The following PECAM1 variants were observed in gnomAD, a reference collection of about 807,000 sequenced individuals.
The protein encoded by PECAM1 is platelet and endothelial cell adhesion molecule 1, also known as platelet endothelial cell adhesion molecule.
Under a neutral mutation model 13.8 loss-of-function variants are expected in PECAM1, and 8 were observed. The ratio of observed to expected loss-of-function variants is 0.58; its 90% CI spans 0.34 to 1.05. The LOEUF (loss-of-function observed/expected upper bound fraction) is 1.05. Among genes scored for constraint, PECAM1 ranks in the 50% least tolerant of loss-of-function variants. The pLI is 0.03. For synonymous variants in PECAM1, 136 were observed against 52.6 expected (o/e 2.58, Z -6.86); for missense variants, 304 against 141.2 (o/e 2.15, Z -5.84).
chr17:64,341,675 T>C lies in PECAM1; in HGVS notation c.2123A>G (p.Asp708Gly). The change falls in exon 14 of 16, where the codon GAC becomes GGC. Residue 708 changes from aspartate to glycine, a missense_variant. Physicochemically the swap from Asp to Gly is moderately conservative, Grantham distance 94 (BLOSUM62 -1). Coordinates refer to ENST00000563924, the MANE Select transcript of PECAM1 (RefSeq NM_000442.5). ...GACTTCACTGTACACTGTCTCTGTG[T>C]CCTTCTTTCCTAGATCTGGAAAAAG... ...AESHKDLGKKDTETVYSEVRK... is the reference protein window; with the variant it reads ...AESHKDLGKKGTETVYSEVRK... The C allele has an allele frequency of 4.5e-6, 2 of 447,726 alleles. No homozygotes were observed. The highest frequency in any genetic ancestry group is 3.6e-5 in the Admixed American group (1 of 27,622). The allele number at this position is 447,726 out of a possible 1,614,324, so 27.7% of individuals were successfully genotyped here.
chr17:64,321,414 A>C lies in PECAM1; in HGVS notation c.*2402T>G, dbSNP rs950703874. On this transcript the variant is annotated 3_prime_UTR_variant, in exon 16 of 16. Coordinates refer to ENST00000563924, the MANE Select transcript of PECAM1 (RefSeq NM_000442.5). The stretch of plus-strand genomic sequence containing the variant: ...CACTAAGAAAGATCCCTGCGCATGA[A>C]GTTTCCTCCTCGGAAATATAGGCAG... 14 of 985,538 alleles carry C rather than the reference A, an allele frequency of 1.4e-5. No homozygotes were observed. Among genetic ancestry groups the C allele is most frequent in the Non-Finnish European group, 1.7e-5 (14 of 829,748 alleles). 61.0% of individuals were successfully genotyped at this position (985,538 alleles called of 1,614,324 possible). A position where few individuals can be genotyped will look rare whatever the true frequency, so the allele number is the denominator to read the frequency against.
intron 6 of PECAM1, among the ~76,000 whole-genome samples, chr17:64,361,299 C>T (rs1171299229): frequency 6.6e-6 from 1 of 151,970 alleles, no homozygotes; most frequent in African/African-American, 2.4e-5. Context: ...GCATGTGCCA[C>T]CACACCCGGC....
rs919252611 is a variant in PECAM1, at chr17:64,375,352, C to T, written c.390G>A (p.Val130=). Residue 130 remains valine (V), a synonymous_variant, in exon 4 of 16, where the codon GTG becomes GTA. Transcript: ENST00000563924. The part of the protein sequence containing the change: ...TAEYQVLVEG[V]PSPRVTLDKK... ...TGTCCAGTGTCACCCTGGGACTGGGCACTCCTACGGGGAAAGAGAAAGTCT... is the reference window on the plus strand; with the variant it reads ...TGTCCAGTGTCACCCTGGGACTGGGTACTCCTACGGGGAAAGAGAAAGTCT... 5.1e-5 allele frequency: 24 copies of T among 468,948 alleles called. No individual in the cohort carries two copies. The highest frequency in any genetic ancestry group is 7.8e-5 in the Non-Finnish European group (20 of 256,994). The allele number at this position is 468,948 out of a possible 1,614,324, so 29.0% of individuals were successfully genotyped here.
intron 14 of PECAM1, among the ~76,000 whole-genome samples, chr17:64,335,904 A>C (rs2035264751): frequency 6.6e-6 from 1 of 152,198 alleles, no homozygotes; most frequent in African/African-American, 2.4e-5. Flanking sequence ...TAATATCCAG[A>C]GGAAAGAGCT....
At chr17:64,328,286 C>T (rs1188189975) in intron 15 of PECAM1, among the ~76,000 whole-genome samples, 1 of 152,216 alleles carries the variant, frequency 6.6e-6, no homozygotes, top group African/African-American at 2.4e-5. Flanking sequence ...CCCGCACTGC[C>T]CAGGGAGCAA....
At chr17:64,353,918 G>A (rs1474990062) in intron 9 of PECAM1, among the ~76,000 whole-genome samples, 1 of 150,508 alleles carries the variant, frequency 6.6e-6, no homozygotes, top group Non-Finnish European at 1.5e-5. Context: ...AGATAAGCAG[G>A]CAGCTCTCTT....
intron 2 of PECAM1, among the ~76,000 whole-genome samples, chr17:64,387,655 C>T (rs1433479945): frequency 5.3e-5 from 8 of 152,052 alleles, no homozygotes; most frequent in Non-Finnish European, 8.8e-5. Context: ...CCTCCGAGGC[C>T]GGGAGGGAAA....
intron 3 of PECAM1, 137 bp from the exon 4 acceptor site, chr17:64,375,493 C>G: frequency 5.0e-6 from 2 of 397,744 alleles, no homozygotes; most frequent in Non-Finnish European, 8.8e-6. Context: ...TTTTTGTTCT[C>G]TGAACACCCA....
intron 14 of PECAM1, among the ~76,000 whole-genome samples, chr17:64,333,637 G>A (rs1387988188): frequency 6.6e-6 from 1 of 151,720 alleles, no homozygotes; most frequent in Non-Finnish European, 1.5e-5. Flanking sequence ...TATGTGATAT[G>A]TGTTTTACCA....
At chr17:64,332,441 C>T (rs1330727865) in intron 14 of PECAM1, among the ~76,000 whole-genome samples, 2 of 152,196 alleles carry the variant, frequency 1.3e-5, no homozygotes, top group African/African-American at 2.4e-5. Flanking sequence ...AACTCAAATA[C>T]GGATGGAACA....
intron 6 of PECAM1, among the ~76,000 whole-genome samples, chr17:64,362,655 A>AAAATAAATAAAT (rs112469980): frequency 1.3e-5 from 2 of 150,570 alleles, no homozygotes; most frequent in Admixed American, 1.3e-4. Flanking sequence ...GCATCTCAAA[A>AAAATAAATAAAT]AAATAAATAA....
chr17:64,381,415 G>A (rs2036477822), intron 2 of PECAM1, among the ~76,000 whole-genome samples: 1 of 151,948 alleles, frequency 6.6e-6, no homozygotes, highest in South Asian at 2.1e-4. Context: ...GTATCTCATT[G>A]AACAATACAT....
At position 64,322,737 on chromosome 17, in the gene PECAM1, A is replaced by C; in HGVS notation, c.*1079T>G. On this transcript the variant is annotated 3_prime_UTR_variant, in exon 16 of 16. Coordinates refer to ENST00000563924, the MANE Select transcript of PECAM1 (RefSeq NM_000442.5). ...AATTTTGTTTTTTGTTTTTTTTGAG[A>C]TGGATTCTCACTCTGTCACTCAGGC... is the stretch of plus-strand genomic sequence containing the variant. 1 of 952,756 alleles carries C rather than the reference A, an allele frequency of 1.0e-6. No homozygotes were observed. The highest frequency in any genetic ancestry group is 1.2e-6 in the Non-Finnish European group (1 of 800,342). The allele number at this position is 952,756 out of a possible 1,614,324, so 59.0% of individuals were successfully genotyped here. A position where few individuals can be genotyped will look rare whatever the true frequency, so the allele number is the denominator to read the frequency against.
chr17:64,387,612 G>A (rs2036625904), intron 2 of PECAM1, among the ~76,000 whole-genome samples: 1 of 152,100 alleles, frequency 6.6e-6, no homozygotes, highest in Admixed American at 6.6e-5. Flanking sequence ...TGCCTGGCTG[G>A]CCCCCATCAG....
chr17:64,334,572 G>A (rs961894502), intron 14 of PECAM1, among the ~76,000 whole-genome samples: 8 of 151,874 alleles, frequency 5.3e-5, no homozygotes, highest in Admixed American at 3.3e-4. Context: ...GCACTGGTGC[G>A]ATCTTGGCTC....
At chr17:64,375,650 T>C (rs1197766330) in intron 3 of PECAM1, among the ~76,000 whole-genome samples, 1 of 150,642 alleles carries the variant, frequency 6.6e-6, no homozygotes, top group East Asian at 2.0e-4. Context: ...TGAAATGCTA[T>C]CTCTACAAAA....
chr17:64,374,564 G>C (rs1385359517), intron 4 of PECAM1, among the ~76,000 whole-genome samples: 1 of 147,806 alleles, frequency 6.8e-6, no homozygotes, highest in African/African-American at 2.5e-5. Flanking sequence ...CGGGTGGATC[G>C]CCTGACATCA....
At position 64,347,560 on chromosome 17, in the gene PECAM1, T is replaced by A. The variant is rs984628959; in HGVS notation, c.2107+700A>T. Among the ~76,000 whole-genome samples, 492 of 137,622 alleles carry A rather than the reference T, an allele frequency of 3.6e-3. 5 individuals carry two copies. The highest frequency in any genetic ancestry group is 0.012 in the African/African-American group (454 of 37,300). The allele number at this position is 137,622 out of a possible 152,430, so 90.3% of individuals were successfully genotyped here. ...GAAAAAAAAAATATATATATATATA[T>A]AAAATAAAAAATATATAAATAATAT... On this transcript the variant is annotated intron_variant, in intron 13 of 15. Coordinates refer to ENST00000563924, the MANE Select transcript of PECAM1 (RefSeq NM_000442.5).
intron 7 of PECAM1, among the ~76,000 whole-genome samples, chr17:64,357,851 C>T (rs1486474832): frequency 2.0e-5 from 3 of 152,154 alleles, no homozygotes. Flanking sequence ...TCACATTAGC[C>T]TCTAACGTAC....
Sources: gnomAD v4.1 joint callset for allele counts (sites outside exome capture counted in the v4.1 genomes callset) on GRCh38, gnomAD v4.1.1 for gene constraint, MANE v1.5 for transcripts, NCBI Gene and HGNC (gene_info 2026-07-23, HGNC 2026-07-21) for gene names.